Variants in SLCO5A1 observed in about 807,000 individuals in gnomAD.
SLCO5A1 encodes solute carrier organic anion transporter family member 5A1, also known as organic anion transporter polypeptide-related protein 4.
A neutral mutation model predicts 65.1 loss-of-function variants in SLCO5A1; 39 were observed. That is an observed-to-expected ratio of 0.60 (90% confidence interval 0.46 to 0.78). SLCO5A1 has a LOEUF of 0.78. Among genes scored for constraint, SLCO5A1 ranks in the 30% least tolerant of loss-of-function variants. The pLI is 0.00. For synonymous variants in SLCO5A1, 438 were observed against 415.7 expected (o/e 1.05, Z -0.65); for missense variants, 1,029 against 1,069.4 (o/e 0.96, Z 0.53).
chr8:69,766,637 C>T (rs1008648567), intron 2 of SLCO5A1, among the ~76,000 whole-genome samples: 2 of 152,198 alleles, frequency 1.3e-5, no homozygotes, highest in Admixed American at 6.5e-5. Flanking sequence ...CTCACTGATG[C>T]CTGACATGGC....
chr8:69,771,927 T>C (rs993139110), intron 2 of SLCO5A1, among the ~76,000 whole-genome samples: 1 of 152,232 alleles, frequency 6.6e-6, no homozygotes, highest in Non-Finnish European at 1.5e-5. Flanking sequence ...GGGCTCTTTA[T>C]TCAGCTCCAG....
At chr8:69,725,792 T>C (rs112701479) in intron 5 of SLCO5A1, among the ~76,000 whole-genome samples, 14 of 152,242 alleles carry the variant, frequency 9.2e-5, no homozygotes, top group African/African-American at 3.4e-4. Context: ...ATGCACTCAG[T>C]AGCAGAAACG....
intron 2 of SLCO5A1, among the ~76,000 whole-genome samples, chr8:69,820,961 C>A (rs1050738934): frequency 1.3e-5 from 2 of 152,248 alleles, no homozygotes; most frequent in African/African-American, 4.8e-5. Context: ...AGTCCCATGA[C>A]CAGTTGTTGG....
At chr8:69,686,163 T>A (rs1170139523) in intron 6 of SLCO5A1, among the ~76,000 whole-genome samples, 1 of 149,798 alleles carries the variant, frequency 6.7e-6, no homozygotes, top group Non-Finnish European at 1.5e-5. Context: ...TATTAAAAGA[T>A]GTGACAAGTA....
At chr8:69,773,790 G>T (rs1280630148) in intron 2 of SLCO5A1, among the ~76,000 whole-genome samples, 1 of 152,152 alleles carries the variant, frequency 6.6e-6, no homozygotes, top group Non-Finnish European at 1.5e-5. Flanking sequence ...ACCAACCCAG[G>T]CCACTCAGAT....
intron 2 of SLCO5A1, among the ~76,000 whole-genome samples, chr8:69,793,769 C>T (rs1252310255): frequency 6.9e-6 from 1 of 144,420 alleles, no homozygotes; most frequent in African/African-American, 2.5e-5. Flanking sequence ...CAGAGTGAGA[C>T]TCTGTCTCTA....
At chr8:69,749,827 G>A (rs1353457406) in intron 4 of SLCO5A1, among the ~76,000 whole-genome samples, 1 of 152,044 alleles carries the variant, frequency 6.6e-6, no homozygotes, top group African/African-American at 2.4e-5. Context: ...TGGTAGGTGA[G>A]TGAGTGATGG....
At chr8:69,797,880 A>C (rs561174488) in intron 2 of SLCO5A1, among the ~76,000 whole-genome samples, 2 of 152,138 alleles carry the variant, frequency 1.3e-5, no homozygotes, top group Admixed American at 1.3e-4. Context: ...TTGCCTTGTG[A>C]TATCTTATTA....
intron 6 of SLCO5A1, among the ~76,000 whole-genome samples, chr8:69,703,844 C>T (rs917078978): frequency 3.3e-5 from 5 of 152,162 alleles, no homozygotes; most frequent in Admixed American, 6.5e-5. Context: ...ATAATAAATA[C>T]GTAAAACTCA....
intron 5 of SLCO5A1, among the ~76,000 whole-genome samples, chr8:69,719,491 C>T (rs1815718677): frequency 6.6e-6 from 1 of 151,992 alleles, no homozygotes; most frequent in South Asian, 2.1e-4. Context: ...AGAATAATAG[C>T]ATAAGTAATA....
chr8:69,761,409 G>T, intron 3 of SLCO5A1: 1 of 261,728 alleles, frequency 3.8e-6, no homozygotes, highest in South Asian at 4.7e-5. Context: ...TCCAACCTGT[G>T]CTTTAATCAT....
chr8:69,768,510 G>A (rs1337421037), intron 2 of SLCO5A1, among the ~76,000 whole-genome samples: 4 of 152,136 alleles, frequency 2.6e-5, no homozygotes, highest in Non-Finnish European at 4.4e-5. Context: ...TTAAGAAACC[G>A]ACATTGATTT....
chr8:69,764,490 G>T (rs1436688955), intron 2 of SLCO5A1, among the ~76,000 whole-genome samples: 1 of 152,032 alleles, frequency 6.6e-6, no homozygotes, highest in Non-Finnish European at 1.5e-5. Context: ...AGAATCATCT[G>T]CTTGTAACAA....
rs191536365 is a variant in SLCO5A1 at position 69,745,238 on chromosome 8, A to G, written c.1259-7034T>C. 2.1e-3 allele frequency among the ~76,000 whole-genome samples: 312 copies of G among 151,746 alleles called. 1 individual carries two copies. Among genetic ancestry groups the G allele is most frequent in the African/African-American group, 7.1e-3 (292 of 41,354 alleles). On this transcript the variant is annotated intron_variant, in intron 4 of 9. Coordinates refer to ENST00000260126, the MANE Select transcript of SLCO5A1 (RefSeq NM_030958.3). ...TCACCATCTTTTTTAACCTTCATTA[A>G]TTTTCTGATTAGTTTTTTTTTCTGG...
chr8:69,676,612 G>C lies in SLCO5A1; in HGVS notation c.2086C>G (p.Leu696Val), dbSNP rs142555728. The C allele has an allele frequency of 1.9e-6, 3 of 1,612,664 alleles. No homozygotes were observed. Among genetic ancestry groups the C allele is most frequent in the Non-Finnish European group, 1.7e-6 (2 of 1,179,316 alleles). Residue 696 changes from leucine (L) to valine (V), a missense_variant, in exon 9 of 10, where the codon CTT (leucine) becomes GTT (valine). Leu to Val is a conservative substitution (Grantham distance 32, BLOSUM62 1). Coordinates refer to ENST00000260126, the MANE Select transcript of SLCO5A1 (RefSeq NM_030958.3). ...LGMQFVLLRT[L>V]AYIPTPIYFG... is the part of the protein sequence containing the mutation. ...ACTTGGAAATTCAGGGACGTACCAA[G>C]TGTTCGCAACAAAACAAACTGCATT...
chr8:69,723,540 C>T (rs567884763), intron 5 of SLCO5A1, among the ~76,000 whole-genome samples: 50 of 152,168 alleles, frequency 3.3e-4, no homozygotes, highest in Middle Eastern at 3.4e-3. Flanking sequence ...CATGAGCCAC[C>T]ATGCCCATCC....
At chr8:69,763,876 C>CT (rs370326824) in intron 2 of SLCO5A1, among the ~76,000 whole-genome samples, 42 of 148,572 alleles carry the variant, frequency 2.8e-4, no homozygotes, top group East Asian at 9.9e-4. Flanking sequence ...TCAATAAACA[C>CT]TTTTTTTTTT....
intron 2 of SLCO5A1, among the ~76,000 whole-genome samples, chr8:69,827,744 T>C (rs1361939013): frequency 1.3e-5 from 2 of 152,228 alleles, no homozygotes; most frequent in Non-Finnish European, 2.9e-5. Context: ...CGTTATTTAT[T>C]GGGAAAGGTC....
chr8:69,698,788 G>T (rs1197690190), intron 6 of SLCO5A1, among the ~76,000 whole-genome samples: 1 of 152,142 alleles, frequency 6.6e-6, no homozygotes, highest in East Asian at 1.9e-4. Context: ...ATGCTCACAG[G>T]CTCAGAAATA....
Sources: gnomAD v4.1 joint callset for allele counts (sites outside exome capture counted in the v4.1 genomes callset) on GRCh38, gnomAD v4.1.1 for gene constraint, MANE v1.5 for transcripts, NCBI Gene and HGNC (gene_info 2026-07-23, HGNC 2026-07-21) for gene names.